PUS1: variants seen among roughly 807,000 people sequenced by gnomAD.
PUS1 encodes pseudouridine synthase 1, also known as pseudouridylate synthase 1 homolog.
PUS1 carries 25 observed loss-of-function variants against 38.5 expected under a neutral mutation model. The observed-to-expected ratio is 0.65, with a 90% CI of 0.47 to 0.91. PUS1 has a LOEUF of 0.91. Among genes scored for constraint, PUS1 ranks in the 40% least tolerant of loss-of-function variants. PUS1 has a pLI of 0.00. For synonymous variants in PUS1, 282 were observed against 260.4 expected (o/e 1.08, Z -0.80); for missense variants, 597 against 612.3 (o/e 0.97, Z 0.26).
chr12:131,930,209 C>T, intron 2 of PUS1, 74 bp downstream of exon 2: 1 of 1,122,920 alleles, frequency 8.9e-7, no homozygotes, highest in Non-Finnish European at 1.2e-6. Context: ...GCGGTGGGTC[C>T]GGCTGGGTTT....
intron 2 of PUS1, chr12:131,931,973 C>A: frequency 1.5e-6 from 1 of 667,434 alleles, no homozygotes. Flanking sequence ...ACACTACCCA[C>A]CCCCTAGCAT....
chr12:131,943,742 G>T lies in PUS1; in HGVS notation c.*156G>T. The T allele has an allele frequency of 1.5e-6, 1 of 672,708 alleles. No homozygotes were observed. 41.7% of individuals were successfully genotyped at this position (672,708 alleles called of 1,614,324 possible). ...CTCAGGACCTTCCCTTGTAGGAACA[G>T]CCTTTCTCGAATCTGTTTTCAGCTC... is the stretch of plus-strand genomic sequence containing the variant. On this transcript the variant is annotated 3_prime_UTR_variant, in exon 6 of 6. Transcript: ENST00000376649.
chr12:131,941,753 G>T lies in PUS1; in HGVS notation c.1006G>T (p.Glu336Ter). 1 of 1,614,012 alleles carries T rather than the reference G, an allele frequency of 6.2e-7. No homozygotes were observed. Among genetic ancestry groups the T allele is most frequent in the Non-Finnish European group, 8.5e-7 (1 of 1,179,896 alleles). The change falls in exon 5 of 6, where the codon GAG (glutamate) becomes TAG (stop). Residue 336 changes from glutamate (E) to a stop codon, truncating the protein, a stop_gained. Coordinates refer to ENST00000376649, the MANE Select transcript of PUS1 (RefSeq NM_025215.6). LOFTEE classifies it high-confidence loss of function. The surrounding 1 kb of genome is among the most constrained non-coding windows in gnomAD (Gnocchi z 4.4). ...PKAPGLGLVL[E>*]RVHFEKYNQR... ...GGCGCCCGGACTCGGCCTGGTCCTG[G>T]AGAGGGTGCACTTCGAGAAGTACAA...
rs144648926 is a variant in PUS1, at chr12:131,941,602, G to A, written c.855G>A (p.Lys285=). The part of the protein sequence containing the change: ...EGLEFAVIRV[K]GQSFMMHQIR... ...TGGAGTTTGCGGTGATCAGGGTGAA[G>A]GGCCAGAGCTTCATGATGCATCAGA... is the stretch of plus-strand genomic sequence containing the variant. Residue 285 remains lysine (K), a synonymous_variant, in exon 5 of 6, where the codon AAG becomes AAA. Transcript: ENST00000376649. The surrounding 1 kb of genome is among the most constrained non-coding windows in gnomAD (Gnocchi z 4.4). 125 of 1,614,230 alleles carry A rather than the reference G, an allele frequency of 7.7e-5. No individual in the cohort carries two copies. In the Middle Eastern group the frequency reaches 9.9e-4, roughly 13 times the overall value.
chr12:131,939,330 A>T, intron 4 of PUS1, 55 bp downstream of exon 4: 1 of 1,132,628 alleles, frequency 8.8e-7, no homozygotes, highest in Non-Finnish European at 1.3e-6. Context: ...TCTTGCAGAG[A>T]CACGAGGCTA....
rs377060121 is a variant in PUS1, at chr12:131,941,683, C to A, written c.936C>A (p.Ser312Arg). The stretch of plus-strand genomic sequence containing the variant: ...TTGTGAAGGGTTATGCCCCTGAGAG[C>A]GTGCTGGAGCGCAGCTGGGGCACAG... ...VAIVKGYAPE[S>R]VLERSWGTEK... is the part of the protein sequence containing the mutation. Residue 312 changes from serine (S) to arginine (R), a missense_variant, in exon 5 of 6, where the codon AGC (serine) becomes AGA (arginine). Physicochemically the swap from Ser to Arg is moderately radical, Grantham distance 110. Coordinates refer to ENST00000376649, the MANE Select transcript of PUS1 (RefSeq NM_025215.6). This position sits in a 1 kb window ranked among gnomAD's most constrained non-coding sequence, Gnocchi z 4.4. 1.9e-6 allele frequency: 3 copies of A among 1,614,152 alleles called. No individual in the cohort carries two copies. Among genetic ancestry groups the A allele is most frequent in the Non-Finnish European group, 8.5e-7 (1 of 1,180,040 alleles).
chr12:131,939,017 A>G (rs1321496702), intron 3 of PUS1, among the ~76,000 whole-genome samples, 156 bp from the exon 4 acceptor site: 2 of 152,238 alleles, frequency 1.3e-5, no homozygotes, highest in Admixed American at 6.5e-5. Context: ...CTGGGATTAC[A>G]GGCGTGAGCC....
At chr12:131,940,722 C>G (rs549540899) in intron 4 of PUS1, among the ~76,000 whole-genome samples, 25 of 152,238 alleles carry the variant, frequency 1.6e-4, no homozygotes, top group African/African-American at 6.0e-4. Context: ...GCTGGGATTA[C>G]AGGTACACGC....
chr12:131,937,482 C>G (rs759750269), intron 3 of PUS1, among the ~76,000 whole-genome samples: 1 of 152,196 alleles, frequency 6.6e-6, no homozygotes, highest in Non-Finnish European at 1.5e-5. Flanking sequence ...TCAAGTGATT[C>G]TCCTGCCTCA....
intron 3 of PUS1, among the ~76,000 whole-genome samples, chr12:131,935,963 C>T (rs1297010256): frequency 6.6e-6 from 1 of 152,084 alleles, no homozygotes; most frequent in Non-Finnish European, 1.5e-5. Flanking sequence ...GTAATTCCAG[C>T]ACTTTGGGAG....
chr12:131,944,053 C>T lies in PUS1; in HGVS notation c.*467C>T, dbSNP rs572205763. The T allele has an allele frequency of 4.0e-4, 81 of 204,432 alleles. No individual in the cohort carries two copies. The highest frequency in any genetic ancestry group is 7.3e-4 in the Non-Finnish European group (72 of 98,712). The allele number at this position is 204,432 out of a possible 1,614,324, so 12.7% of individuals were successfully genotyped here. A position where few individuals can be genotyped will look rare whatever the true frequency, so the allele number is the denominator to read the frequency against. The stretch of plus-strand genomic sequence containing the variant: ...CTTGAGTACAGGAGTTCCAGACCAG[C>T]CTGGGTAAAATGGTGAAACCGCGTC... On this transcript the variant is annotated 3_prime_UTR_variant, in exon 6 of 6. Coordinates refer to ENST00000376649, the MANE Select transcript of PUS1 (RefSeq NM_025215.6).
In PUS1 at chr12:131,945,039, G is replaced by A. The variant is rs912169640; in HGVS notation, c.*1453G>A. On this transcript the variant is annotated 3_prime_UTR_variant, in exon 6 of 6. Coordinates refer to ENST00000376649, the MANE Select transcript of PUS1 (RefSeq NM_025215.6). Reference sequence around the variant, plus strand: ...CCCAGCCTGCAGCCCGTGGGCGCACGTGACCAATGCACGAGTGCCTGATGC... The same window carrying A: ...CCCAGCCTGCAGCCCGTGGGCGCACATGACCAATGCACGAGTGCCTGATGC... 2.0e-5 allele frequency: 3 copies of A among 152,310 alleles called. No homozygotes were observed. The highest frequency in any genetic ancestry group is 4.8e-5 in the African/African-American group (2 of 41,470). 9.4% of individuals were successfully genotyped at this position (152,310 alleles called of 1,614,324 possible).
At chr12:131,938,909 G>A (rs1286346930) in intron 3 of PUS1, among the ~76,000 whole-genome samples, 1 of 151,882 alleles carries the variant, frequency 6.6e-6, no homozygotes, top group Non-Finnish European at 1.5e-5. Context: ...TTTTAGTAGA[G>A]ACTAACAATA....
chr12:131,940,359 G>A (rs929272134), intron 4 of PUS1, among the ~76,000 whole-genome samples: 17 of 152,020 alleles, frequency 1.1e-4, no homozygotes, highest in East Asian at 1.9e-4. Context: ...AGATTCATCC[G>A]TGCTGTTGTG....
At chr12:131,943,056 G>A (rs1158546761) in intron 5 of PUS1, among the ~76,000 whole-genome samples, 3 of 152,220 alleles carry the variant, frequency 2.0e-5, no homozygotes, top group Non-Finnish European at 2.9e-5. Context: ...GTGACCGTAT[G>A]CTTAAATGTT....
At position 131,945,303 on chromosome 12, in the gene PUS1, A is replaced by C. The variant is rs142787061; in HGVS notation, c.*1717A>C. ...GGAGCTGGTTTTAGGGATTTTGGCC[A>C]GAGGAGCAGTGGGGCTCACTGCTTC... On this transcript the variant is annotated 3_prime_UTR_variant, in exon 6 of 6. Coordinates refer to ENST00000376649, the MANE Select transcript of PUS1 (RefSeq NM_025215.6). The C allele has an allele frequency of 3.3e-5, 5 of 152,404 alleles. No homozygotes were observed. The highest frequency in any genetic ancestry group is 7.3e-5 in the Non-Finnish European group (5 of 68,112). 9.4% of individuals were successfully genotyped at this position (152,404 alleles called of 1,614,324 possible).
chr12:131,940,113 G>A (rs906371702), intron 4 of PUS1, among the ~76,000 whole-genome samples: 24 of 151,956 alleles, frequency 1.6e-4, no homozygotes, highest in Admixed American at 1.5e-3. Context: ...GCTCACTGTA[G>A]CATCGACCAC....
At chr12:131,943,459 C>T (rs1196785234) in intron 5 of PUS1, 80 bp from the exon 6 acceptor site, 2 of 1,198,676 alleles carry the variant, frequency 1.7e-6, no homozygotes, top group Non-Finnish European at 2.5e-6. Context: ...TGTGCCAAGC[C>T]TGTCATGGGC....
rs926265650 is a variant in PUS1, at chr12:131,939,244, C to A, written c.513C>A (p.Asn171Lys). ...WLIDDILEKI[N>K]SHLPSHIRIL... ...TTGACGACATTCTAGAAAAGATCAA[C>A]AGCCACCTTCCCTCTCACATTCGGA... Residue 171 changes from asparagine (N) to lysine (K), a missense_variant, in exon 4 of 6, where the codon AAC becomes AAA. Asn to Lys is a moderately conservative substitution (Grantham distance 94). Transcript: ENST00000376649. 1 of 1,559,640 alleles carries A rather than the reference C, an allele frequency of 6.4e-7. No individual in the cohort carries two copies.
Sources: allele counts gnomAD v4.1 joint callset (sites outside exome capture counted in the v4.1 genomes callset), GRCh38; gene constraint gnomAD v4.1.1; non-coding constraint Gnocchi (gnomAD v3.1); transcripts MANE v1.5; gene names NCBI Gene and HGNC (gene_info 2026-07-23, HGNC 2026-07-21).